Variants in BACH2 observed in about 807,000 individuals in gnomAD.
The protein encoded by BACH2 is transcription regulator protein BACH2.
BACH2 carries 5 observed loss-of-function variants against 61.8 expected under a neutral mutation model. That is an observed-to-expected ratio of 0.08 (90% confidence interval 0.04 to 0.17). BACH2 has a LOEUF of 0.17. Ranked by LOEUF, BACH2 falls within the 10% of genes least tolerant of loss-of-function variation. The pLI is 1.00. For missense variants in BACH2, 824 were observed against 1,091.1 expected (o/e 0.76, Z 3.45); for synonymous variants, 446 against 440.1 (o/e 1.01, Z -0.17).
In BACH2 at chr6:90,296,526, C is replaced by T. The variant is rs1224532086; in HGVS notation, c.-492G>A. The T allele has an allele frequency of 1.3e-5, 2 of 151,754 alleles. No individual in the cohort carries two copies. The highest frequency in any genetic ancestry group is 4.8e-5 in the African/African-American group (2 of 41,362). 9.4% of individuals were successfully genotyped at this position (151,754 alleles called of 1,614,324 possible). A position where few individuals can be genotyped will look rare whatever the true frequency, so the allele number is the denominator to read the frequency against. On this transcript the variant is annotated 5_prime_UTR_variant, in exon 1 of 9. Coordinates refer to ENST00000257749, the MANE Select transcript of BACH2 (RefSeq NM_021813.4). The stretch of plus-strand genomic sequence containing the variant: ...CTTTTCCGCCTCCTCTTCCCCGCGT[C>T]TTCCCGGCTCGCAGCCCCCTCCCGG...
chr6:90,033,415 G>A (rs1779111002), intron 5 of BACH2, among the ~76,000 whole-genome samples: 1 of 149,862 alleles, frequency 6.7e-6, no homozygotes, highest in Non-Finnish European at 1.5e-5. Flanking sequence ...TTTTCCTCAC[G>A]CACAGGAATG....
intron 3 of BACH2, among the ~76,000 whole-genome samples, chr6:90,208,006 T>C (rs1292592139): frequency 6.6e-6 from 1 of 152,158 alleles, no homozygotes; most frequent in African/African-American, 2.4e-5. Context: ...AGAGAGGAAA[T>C]TGCAAATCAC....
chr6:90,161,757 T>C (rs974829725), intron 4 of BACH2, among the ~76,000 whole-genome samples: 4 of 152,138 alleles, frequency 2.6e-5, no homozygotes, highest in African/African-American at 9.7e-5. Flanking sequence ...CACTGCAACC[T>C]GTAACAGACA....
intron 6 of BACH2, among the ~76,000 whole-genome samples, chr6:89,982,157 AG>A (rs1775992388): frequency 6.6e-6 from 1 of 152,070 alleles, no homozygotes; most frequent in Admixed American, 6.6e-5. Context: ...TCTTAAGGAA[AG>A]GTGACAAGTG....
intron 4 of BACH2, among the ~76,000 whole-genome samples, chr6:90,114,576 T>C (rs998661678): frequency 1.3e-5 from 2 of 152,114 alleles, no homozygotes; most frequent in African/African-American, 4.8e-5. Context: ...AATGGGCAAA[T>C]GCTGGAAGCA....
rs1319840055 is a variant in BACH2, at chr6:90,031,820, C to T, written c.-12-22964G>A. 2.6e-5 allele frequency among the ~76,000 whole-genome samples: 4 copies of T among 152,162 alleles called. No individual in the cohort carries two copies. In the East Asian group the frequency reaches 7.7e-4, roughly 29 times the overall value. On this transcript the variant is annotated intron_variant, in intron 5 of 8. Transcript: ENST00000257749. ...ATTCAGTGCCATCCCCATCAAGCTA[C>T]CAATGACTTTCTTCACAGAATTGGA... is the stretch of plus-strand genomic sequence containing the variant.
At chr6:90,090,458 A>G (rs1273713437) in intron 4 of BACH2, among the ~76,000 whole-genome samples, 3 of 152,178 alleles carry the variant, frequency 2.0e-5, no homozygotes, top group African/African-American at 7.2e-5. Flanking sequence ...ATGCCTGGTT[A>G]ATTATGAACC....
chr6:90,048,414 T>C (rs1213807177), intron 5 of BACH2, among the ~76,000 whole-genome samples: 1 of 152,184 alleles, frequency 6.6e-6, no homozygotes, highest in Non-Finnish European at 1.5e-5. Context: ...CATGCTGCCA[T>C]GGCATGTCAT....
At position 90,133,811 on chromosome 6, in the gene BACH2, G is replaced by A. The variant is rs201964167; in HGVS notation, c.-161-44702C>T. 2.6e-4 allele frequency among the ~76,000 whole-genome samples: 40 copies of A among 152,168 alleles called. No homozygotes were observed. In the East Asian group the frequency reaches 5.8e-3, roughly 22 times the overall value. On this transcript the variant is annotated intron_variant, in intron 4 of 8. Transcript: ENST00000257749. Reference sequence around the variant, plus strand: ...GCGGTGTTTGGTTTTTTGCCCTTGCGATAGTTTGCTGAGAATGATGGTTTC... The same window carrying A: ...GCGGTGTTTGGTTTTTTGCCCTTGCAATAGTTTGCTGAGAATGATGGTTTC...
At chr6:90,185,954 A>C (rs1768341660) in intron 4 of BACH2, among the ~76,000 whole-genome samples, 1 of 152,342 alleles carries the variant, frequency 6.6e-6, no homozygotes, top group East Asian at 1.9e-4. Flanking sequence ...GGACAGTGAC[A>C]CAGAATAAGA....
At chr6:90,155,896 G>A (rs1055959955) in intron 4 of BACH2, among the ~76,000 whole-genome samples, 1 of 152,082 alleles carries the variant, frequency 6.6e-6, no homozygotes, top group Non-Finnish European at 1.5e-5. Flanking sequence ...AATGCTGGCC[G>A]ACTAAAAAAA....
At chr6:90,272,798 C>T (rs184806943) in intron 1 of BACH2, among the ~76,000 whole-genome samples, 21 of 152,318 alleles carry the variant, frequency 1.4e-4, no homozygotes, top group Admixed American at 1.0e-3. Context: ...ACTCCCTCTT[C>T]TCTTCTTTCC....
chr6:90,011,373 AT>A (rs1252939000), intron 5 of BACH2, among the ~76,000 whole-genome samples: 1 of 151,734 alleles, frequency 6.6e-6, no homozygotes, highest in African/African-American at 2.4e-5. Flanking sequence ...GTATGAATCT[AT>A]TTATGGACTC....
chr6:90,134,080 G>C (rs1784192656), intron 4 of BACH2, among the ~76,000 whole-genome samples: 1 of 152,154 alleles, frequency 6.6e-6, no homozygotes, highest in Admixed American at 6.5e-5. Context: ...GGATCAAATG[G>C]TATTTCTAGT....
chr6:90,218,399 T>C (rs1490469208), intron 3 of BACH2, among the ~76,000 whole-genome samples: 2 of 152,144 alleles, frequency 1.3e-5, no homozygotes, highest in African/African-American at 4.8e-5. Flanking sequence ...TTCCTCAGTC[T>C]AGCTGCCTCA....
intron 6 of BACH2, among the ~76,000 whole-genome samples, chr6:89,987,021 TTCCGTCGCCTAC>T (rs1221276472): frequency 1.3e-5 from 2 of 152,158 alleles, no homozygotes; most frequent in Admixed American, 6.5e-5. Context: ...TGACCCAGCC[TTCCGTCGCCTAC>T]TCTGTCACAC....
chr6:90,260,397 T>A (rs561835794), intron 2 of BACH2, among the ~76,000 whole-genome samples: 1 of 152,234 alleles, frequency 6.6e-6, no homozygotes, highest in Non-Finnish European at 1.5e-5. Flanking sequence ...TTTATACCAC[T>A]GTGGTTTGAA....
chr6:89,944,219 C>T (rs954985804), intron 7 of BACH2, among the ~76,000 whole-genome samples: 4 of 152,190 alleles, frequency 2.6e-5, no homozygotes, highest in African/African-American at 4.8e-5. Flanking sequence ...AGTCACAGGG[C>T]GATAACGCCT....
chr6:89,989,091 A>G (rs1776397168), intron 6 of BACH2, among the ~76,000 whole-genome samples: 1 of 152,204 alleles, frequency 6.6e-6, no homozygotes, highest in Non-Finnish European at 1.5e-5. Flanking sequence ...CTGTGCTGGC[A>G]CAGAGCATGT....
Sources: gnomAD v4.1 joint callset for allele counts (sites outside exome capture counted in the v4.1 genomes callset) on GRCh38, gnomAD v4.1.1 for gene constraint, MANE v1.5 for transcripts, NCBI Gene and HGNC (gene_info 2026-07-23, HGNC 2026-07-21) for gene names.